MYO18A: variants seen among roughly 807,000 people sequenced by gnomAD.
MYO18A encodes the protein unconventional myosin-XVIIIa.
In MYO18A, 78 loss-of-function variants were observed where a neutral mutation model predicts 235.8. The ratio of observed to expected loss-of-function variants is 0.33; its 90% CI spans 0.28 to 0.40. MYO18A has a LOEUF of 0.40. MYO18A is among the 10% of genes least tolerant of loss of function. The pLI is 1.00. For synonymous variants in MYO18A, 977 were observed against 1,077.8 expected, an observed-to-expected ratio of 0.91 and a Z score of 1.83; for missense variants, 2,215 against 2,699.3, an observed-to-expected ratio of 0.82 and a Z score of 3.98.
Position 29,109,967 on chromosome 17 carries a change from C to T in MYO18A, c.3222G>A (p.Leu1074=). 2 of 1,611,004 alleles carry T rather than the reference C, an allele frequency of 1.2e-6. No homozygotes were observed. The highest frequency in any genetic ancestry group is 1.7e-6 in the Non-Finnish European group (2 of 1,178,888). The change falls in exon 19 of 42, where the codon CTG becomes CTA. Residue 1074 remains leucine, a synonymous_variant. Transcript: ENST00000527372. This position sits in a 1 kb window ranked among gnomAD's most constrained non-coding sequence, Gnocchi z 4.1. ...RRVSSSSELD[L]PSGDHCEAGL... ...CAGCCTCGCAGTGGTCTCCCGAGGG[C>T]AGGTCCAGCTCACTGCTGCTGCTGA...
chr17:29,148,240 A>T (rs1158136268), intron 2 of MYO18A, among the ~76,000 whole-genome samples: 3 of 152,042 alleles, frequency 2.0e-5, no homozygotes, highest in Non-Finnish European at 4.4e-5. Context: ...CAAAACTCCT[A>T]AAAAAAAGTC....
At chr17:29,092,249 G>A (rs922239617) in intron 34 of MYO18A, 94 bp downstream of exon 34, 43 of 884,294 alleles carry the variant, frequency 4.9e-5, no homozygotes, top group Middle Eastern at 2.9e-4. Context: ...AAGTCCTGAC[G>A]TGGAGGGACC....
chr17:29,073,292 G>A lies in MYO18A; in HGVS notation c.*1478C>T, dbSNP rs2065907389. On this transcript the variant is annotated 3_prime_UTR_variant, in exon 42 of 42. Coordinates refer to ENST00000527372, the MANE Select transcript of MYO18A (RefSeq NM_078471.4). ...TCCCTAGGCTCTTCACATAAAAGGT[G>A]GGGCTTGTGTCTTCCTTGGCCAATC... 1 of 152,554 alleles carries A rather than the reference G, an allele frequency of 6.6e-6. No individual in the cohort carries two copies. The highest frequency in any genetic ancestry group is 6.5e-5 in the Admixed American group (1 of 15,306). 9.5% of individuals were successfully genotyped at this position (152,554 alleles called of 1,614,324 possible). A position where few individuals can be genotyped will look rare whatever the true frequency, so the allele number is the denominator to read the frequency against.
rs765505227 is a variant in MYO18A at position 29,096,806 on chromosome 17, T to A, written c.4340A>T (p.Glu1447Val). ...TTCGTGGTTGCGGACCTGCTGGCCC[T>A]CCAGGTGCAGCTTGGTGTCTTGCAG... ...AELQDTKLHL[E>V]GQQVRNHELE... The change falls in exon 28 of 42, where the codon GAG becomes GTG. Residue 1447 changes from glutamate (E) to valine (V), a missense_variant. Glu to Val is a moderately radical substitution (Grantham distance 121). Transcript: ENST00000527372. 6.2e-7 allele frequency: 1 copy of A among 1,605,658 alleles called. No homozygotes were observed. Among genetic ancestry groups the A allele is most frequent in the African/African-American group, 1.3e-5 (1 of 74,906 alleles).
In MYO18A at chr17:29,086,448, G is replaced by A. The variant is rs1378445163; in HGVS notation, c.5842C>T (p.Leu1948Phe). 3 of 1,602,072 alleles carry A rather than the reference G, an allele frequency of 1.9e-6. No homozygotes were observed. Among genetic ancestry groups the A allele is most frequent in the Non-Finnish European group, 2.6e-6 (3 of 1,174,126 alleles). ...GAGGCCACTTCTCACCTGTTGATGA[G>A]GTCCTCATTCTCATCACTCTCCATC... ...DEMESDENED[L>F]INSLQDMVTK... Residue 1948 changes from leucine (L) to phenylalanine (F), a missense_variant, in exon 39 of 42, where the codon CTC becomes TTC. Physicochemically the swap from Leu to Phe is conservative, Grantham distance 22 (BLOSUM62 0). Coordinates refer to ENST00000527372, the MANE Select transcript of MYO18A (RefSeq NM_078471.4).
At chr17:29,122,074 C>A in intron 3 of MYO18A, 92 bp downstream of exon 3, 1 of 1,522,928 alleles carries the variant, frequency 6.6e-7, no homozygotes, top group South Asian at 1.1e-5. Context: ...TTGCTCACTG[C>A]TCAGCCCTCA....
chr17:29,110,754 T>C lies in MYO18A; in HGVS notation c.2901-132A>G, dbSNP rs2066909908. On this transcript the variant is annotated intron_variant, in intron 17 of 41. Transcript: ENST00000527372. ...CGTCCAGGGGCCTGGCTACCTGAACTGCATGCCCCACACCCTACAGAGAAA... is the reference window on the plus strand; with the variant it reads ...CGTCCAGGGGCCTGGCTACCTGAACCGCATGCCCCACACCCTACAGAGAAA... 4.7e-6 allele frequency: 4 copies of C among 859,306 alleles called. No individual in the cohort carries two copies. The East Asian group carries it at 1.1e-4, about 24-fold the overall frequency. 53.2% of individuals were successfully genotyped at this position (859,306 alleles called of 1,614,324 possible). A position where few individuals can be genotyped will look rare whatever the true frequency, so the allele number is the denominator to read the frequency against.
rs2067133176 is a variant in MYO18A, at chr17:29,118,782, G to A, written c.1830-342C>T. Among the ~76,000 whole-genome samples, 6 of 152,276 alleles carry A rather than the reference G, an allele frequency of 3.9e-5. No individual in the cohort carries two copies. The South Asian group carries it at 1.2e-3, about 31-fold the overall frequency. Reference sequence around the variant, plus strand: ...AGGGCTAAAGAGGACAATGGCCTGGGGATGCTGGCTCAGCCTCATCATTTA... The same window carrying A: ...AGGGCTAAAGAGGACAATGGCCTGGAGATGCTGGCTCAGCCTCATCATTTA... On this transcript the variant is annotated intron_variant, in intron 8 of 41. Transcript: ENST00000527372. This position sits in a 1 kb window ranked among gnomAD's most constrained non-coding sequence, Gnocchi z 4.2.
At chr17:29,078,636 T>G (rs2066042638) in intron 41 of MYO18A, 1 of 152,270 alleles carries the variant, frequency 6.6e-6, no homozygotes, top group Non-Finnish European at 1.5e-5. Context: ...AAGCTTGCCC[T>G]GGGAGGGCAG....
Position 29,071,341 on chromosome 17 carries a change from C to A in MYO18A, c.*3429G>T, listed in dbSNP as rs569635547. 1 of 152,214 alleles carries A rather than the reference C, an allele frequency of 6.6e-6. No individual in the cohort carries two copies. The highest frequency in any genetic ancestry group is 1.9e-4 in the East Asian group (1 of 5,190). 9.4% of individuals were successfully genotyped at this position (152,214 alleles called of 1,614,324 possible). A position where few individuals can be genotyped will look rare whatever the true frequency, so the allele number is the denominator to read the frequency against. ...AGGGACCAGAGGTACCATGAGTGTA[C>A]AGGTAAGGTCAACAGCAGAGCCTTC... On this transcript the variant is annotated 3_prime_UTR_variant, in exon 42 of 42. Transcript: ENST00000527372.
intron 20 of MYO18A, 66 bp downstream of exon 20, chr17:29,107,014 G>T: frequency 6.8e-7 from 1 of 1,472,822 alleles, no homozygotes; most frequent in Non-Finnish European, 9.5e-7. Flanking sequence ...AGGCAGATGA[G>T]TCTGGAAAGG....
rs370568270 is a variant in MYO18A, at chr17:29,120,301, C to T, written c.1728+315G>A. ...AGTCCTCTGCTAGGTGAAATCGGCC[C>T]GAGAGAAGCCCCGAGCATGAATCTC... is the stretch of plus-strand genomic sequence containing the variant. On this transcript the variant is annotated intron_variant, in intron 7 of 41. Coordinates refer to ENST00000527372, the MANE Select transcript of MYO18A (RefSeq NM_078471.4). This position sits in a 1 kb window ranked among gnomAD's most constrained non-coding sequence, Gnocchi z 4.2. 2.6e-4 allele frequency among the ~76,000 whole-genome samples: 40 copies of T among 152,238 alleles called. 1 individual carries two copies. Among genetic ancestry groups the T allele is most frequent in the African/African-American group, 4.6e-4 (19 of 41,526 alleles).
At chr17:29,138,095 C>T (rs373830227) in intron 2 of MYO18A, among the ~76,000 whole-genome samples, 10 of 152,256 alleles carry the variant, frequency 6.6e-5, no homozygotes, top group African/African-American at 2.2e-4. Flanking sequence ...CGCCCTTAAC[C>T]TGCACTCTCT....
rs1279329832 is a variant in MYO18A at position 29,071,690 on chromosome 17, T to C, written c.*3080A>G. 2.0e-5 allele frequency: 3 copies of C among 152,248 alleles called. No homozygotes were observed. The highest frequency in any genetic ancestry group is 4.8e-5 in the African/African-American group (2 of 41,460). 9.4% of individuals were successfully genotyped at this position (152,248 alleles called of 1,614,324 possible). A position where few individuals can be genotyped will look rare whatever the true frequency, so the allele number is the denominator to read the frequency against. ...AAAGAGAGCATCTCCCTCCATAGTA[T>C]GTCCAAAGCAACCTCTTCATCCTTG... On this transcript the variant is annotated 3_prime_UTR_variant, in exon 42 of 42. Transcript: ENST00000527372.
intron 1 of MYO18A, among the ~76,000 whole-genome samples, chr17:29,169,118 C>T (rs1345390472): frequency 1.3e-5 from 2 of 152,052 alleles, no homozygotes; most frequent in East Asian, 2.0e-4. Flanking sequence ...GGCGTGATCT[C>T]GGCTCACTGC....
chr17:29,114,934 G>T lies in MYO18A; in HGVS notation c.2484C>A (p.Phe828Leu), dbSNP rs374009186. The T allele has an allele frequency of 6.2e-7, 1 of 1,613,952 alleles. No individual in the cohort carries two copies. The highest frequency in any genetic ancestry group is 8.5e-7 in the Non-Finnish European group (1 of 1,179,854). ...CCTTGTATCTTTCCAACTCCTGCAC[G>T]AAGGTGCGCTCGTGGAAGAGCCTCT... ...RLQRLFHERT[F>L]VQELERYKEE... is the part of the protein sequence containing the mutation. The change falls in exon 14 of 42, where the codon TTC (phenylalanine) becomes TTA (leucine). Residue 828 changes from phenylalanine (F) to leucine (L), a missense_variant. Physicochemically the swap from Phe to Leu is conservative, Grantham distance 22. Coordinates refer to ENST00000527372, the MANE Select transcript of MYO18A (RefSeq NM_078471.4).
rs746255377 is a variant in MYO18A, at chr17:29,071,626, T to C, written c.*3144A>G. ...TGCTATTTTCAAGCCCTGGTCAAAA[T>C]AGCAGCTCCTTTTAGAGGCTTTCCC... is the stretch of plus-strand genomic sequence containing the variant. On this transcript the variant is annotated 3_prime_UTR_variant, in exon 42 of 42. Transcript: ENST00000527372. 5.9e-5 allele frequency: 9 copies of C among 152,226 alleles called. No homozygotes were observed. Among genetic ancestry groups the C allele is most frequent in the Non-Finnish European group, 1.2e-4 (8 of 68,030 alleles). The allele number at this position is 152,226 out of a possible 1,614,324, so 9.4% of individuals were successfully genotyped here.
chr17:29,131,212 A>C (rs2067463698), intron 2 of MYO18A, among the ~76,000 whole-genome samples: 2 of 152,186 alleles, frequency 1.3e-5, no homozygotes, highest in Admixed American at 1.3e-4. Flanking sequence ...TGAGCCACAC[A>C]GGAAGGGGCC....
intron 25 of MYO18A, 96 bp downstream of exon 25, chr17:29,098,009 T>C (rs1213220692): frequency 6.3e-7 from 1 of 1,578,466 alleles, no homozygotes; most frequent in Non-Finnish European, 8.6e-7. Flanking sequence ...GATGCTGGGC[T>C]AGGGGTGAAG....
Sources: allele counts gnomAD v4.1 joint callset (sites outside exome capture counted in the v4.1 genomes callset), GRCh38; gene constraint gnomAD v4.1.1; non-coding constraint Gnocchi (gnomAD v3.1); transcripts MANE v1.5; gene names NCBI Gene and HGNC (gene_info 2026-07-23, HGNC 2026-07-21).